TENT4B: variants seen among roughly 807,000 people sequenced by gnomAD.
The protein encoded by TENT4B is terminal nucleotidyltransferase 4B, also known as PAP associated domain containing 5.
A neutral mutation model predicts 75.0 loss-of-function variants in TENT4B; 10 were observed. That is an observed-to-expected ratio of 0.13 (90% CI 0.08 to 0.23). The LOEUF is 0.23. Ranked by LOEUF, TENT4B falls within the 10% of genes least tolerant of loss-of-function variation. The pLI, the probability that TENT4B is intolerant of heterozygous loss-of-function variation, is 1.00. For synonymous variants in TENT4B, 350 were observed against 357.7 expected (o/e 0.98, Z 0.24); for missense variants, 579 against 893.8 (o/e 0.65, Z 4.49).
intron 1 of TENT4B, among the ~76,000 whole-genome samples, chr16:50,196,480 T>TGTATCA (rs1179305704): frequency 5.1e-5 from 6 of 117,714 alleles, no homozygotes; most frequent in Non-Finnish European, 1.7e-5. Context: ...TAGCTTTTAG[T>TGTATCA]TTATCATTAT....
Position 50,153,924 on chromosome 16 carries a change from G to A in TENT4B, c.303G>A (p.Arg101=), listed in dbSNP as rs1368134766. 6.5e-7 allele frequency: 1 copy of A among 1,529,256 alleles called. No homozygotes were observed. Among genetic ancestry groups the A allele is most frequent in the South Asian group, 1.2e-5 (1 of 82,970 alleles). The allele number at this position is 1,529,256 out of a possible 1,614,324, so 94.7% of individuals were successfully genotyped here. A position where few individuals can be genotyped will look rare whatever the true frequency, so the allele number is the denominator to read the frequency against. The change falls in exon 1 of 12, where the codon CGG becomes CGA. Residue 101 remains arginine (R), a synonymous_variant. Transcript: ENST00000561678. ...LGSHALPAEQ[R]DFLPLETTNN... ...GCCACGCGCTGCCCGCGGAGCAGCGGGACTTCCTGCCCCTAGAGACGACCA... is the reference window on the plus strand; with the variant it reads ...GCCACGCGCTGCCCGCGGAGCAGCGAGACTTCCTGCCCCTAGAGACGACCA...
chr16:50,211,349 A>T lies in TENT4B; in HGVS notation c.665A>T (p.Tyr222Phe). 6.2e-7 allele frequency: 1 copy of T among 1,608,110 alleles called. No individual in the cohort carries two copies. The highest frequency in any genetic ancestry group is 8.5e-7 in the Non-Finnish European group (1 of 1,178,386). The change falls in exon 2 of 12, where the codon TAT becomes TTT. Residue 222 changes from tyrosine to phenylalanine, a missense_variant. Around this residue, in one of 7 missense-constraint regions of TENT4B, gnomAD observed 16 missense variants for 60.1 expected, o/e 0.27. Coordinates refer to ENST00000561678, the MANE Select transcript of TENT4B (RefSeq NM_001365324.3). ...VGLHEEISDF[Y>F]EYMSPRPEEE... ...CTGCATGAAGAAATCAGTGATTTTT[A>T]TGAATACATGTCTCCAAGACCTGAG... is the stretch of plus-strand genomic sequence containing the variant.
At chr16:50,186,459 TACCACA>T (rs1400666272) in intron 1 of TENT4B, among the ~76,000 whole-genome samples, 18 of 152,228 alleles carry the variant, frequency 1.2e-4, no homozygotes, top group African/African-American at 4.3e-4. Context: ...TGTTTATATA[TACCACA>T]TTTTGTTTTT....
chr16:50,214,376 C>T, intron 3 of TENT4B, 109 bp downstream of exon 3: 1 of 847,056 alleles, frequency 1.2e-6, no homozygotes, highest in Non-Finnish European at 1.8e-6. Flanking sequence ...CAAAATGGGG[C>T]TGGGCATGGT....
intron 1 of TENT4B, among the ~76,000 whole-genome samples, chr16:50,157,966 A>G (rs1293349744): frequency 6.6e-6 from 1 of 150,828 alleles, no homozygotes; most frequent in Non-Finnish European, 1.5e-5. Context: ...GGGTCTTGTC[A>G]TGTTGCCCAT....
intron 1 of TENT4B, among the ~76,000 whole-genome samples, chr16:50,206,786 G>C (rs763232989): frequency 3.9e-5 from 6 of 152,120 alleles, no homozygotes; most frequent in Non-Finnish European, 7.4e-5. Flanking sequence ...ATGCGAAATG[G>C]TTCTTCCTTT....
At chr16:50,197,828 G>A (rs1161158526) in intron 1 of TENT4B, among the ~76,000 whole-genome samples, 3 of 152,098 alleles carry the variant, frequency 2.0e-5, no homozygotes, top group South Asian at 2.1e-4. Flanking sequence ...GCCAAAACTC[G>A]GTGATTGGCA....
At chr16:50,225,971 C>T (rs1405972863) in intron 10 of TENT4B, among the ~76,000 whole-genome samples, 1 of 151,272 alleles carries the variant, frequency 6.6e-6, no homozygotes, top group Non-Finnish European at 1.5e-5. Flanking sequence ...CATGAGCCAC[C>T]ACACCTGGCC....
chr16:50,162,292 G>T (rs1363826790), intron 1 of TENT4B, among the ~76,000 whole-genome samples: 1 of 152,166 alleles, frequency 6.6e-6, no homozygotes, highest in African/African-American at 2.4e-5. Context: ...ATATTTTTAT[G>T]TGAATATAAA....
chr16:50,216,015 G>A, intron 3 of TENT4B, 60 bp from the exon 4 acceptor site: 1 of 1,602,608 alleles, frequency 6.2e-7, no homozygotes, highest in South Asian at 1.1e-5. Flanking sequence ...AAGCATGAGT[G>A]TCAGTTAAAA....
chr16:50,233,031 A>G lies in TENT4B; in HGVS notation c.*3703A>G, dbSNP rs1257920484. ...TCTATTCTTGTTCTCCTAGTTCATT[A>G]AACTTTCAGTTATTGGAAAGGCACA... On this transcript the variant is annotated 3_prime_UTR_variant, in exon 12 of 12. Coordinates refer to ENST00000561678, the MANE Select transcript of TENT4B (RefSeq NM_001365324.3). 2 of 984,798 alleles carry G rather than the reference A, an allele frequency of 2.0e-6. No individual in the cohort carries two copies. Among genetic ancestry groups the G allele is most frequent in the East Asian group, 1.1e-4 (1 of 8,830 alleles). 61.0% of individuals were successfully genotyped at this position (984,798 alleles called of 1,614,324 possible).
intron 1 of TENT4B, among the ~76,000 whole-genome samples, chr16:50,197,625 G>A (rs978824464): frequency 1.1e-4 from 16 of 152,264 alleles, no homozygotes; most frequent in African/African-American, 3.9e-4. Flanking sequence ...TGCAAATTGG[G>A]CAGCCTCCCG....
At position 50,233,955 on chromosome 16, in the gene TENT4B, A is replaced by AT; in HGVS notation, c.*4628dup. 2 of 985,446 alleles carry AT rather than the reference A, an allele frequency of 2.0e-6. No individual in the cohort carries two copies. Among genetic ancestry groups the AT allele is most frequent in the African/African-American group, 3.5e-5 (2 of 57,366 alleles). 61.0% of individuals were successfully genotyped at this position (985,446 alleles called of 1,614,324 possible). The stretch of plus-strand genomic sequence containing the variant: ...AGTGAACATTTTTATTAGTAGTTGC[A>AT]TATCATCTCTAGTTCCACATTTTAA... On this transcript the variant is annotated 3_prime_UTR_variant, in exon 12 of 12. Coordinates refer to ENST00000561678, the MANE Select transcript of TENT4B (RefSeq NM_001365324.3).
Position 50,229,637 on chromosome 16 carries a change from G to A in TENT4B, c.*309G>A, listed in dbSNP as rs2032211749. On this transcript the variant is annotated 3_prime_UTR_variant, in exon 12 of 12. Transcript: ENST00000561678. ...TGTAAAATAAATATATTTCTCATTGGCTTTATGCAGAGTTATAGGGAATAG... is the reference window on the plus strand; with the variant it reads ...TGTAAAATAAATATATTTCTCATTGACTTTATGCAGAGTTATAGGGAATAG... 7.5e-6 allele frequency: 8 copies of A among 1,062,960 alleles called. No homozygotes were observed. The highest frequency in any genetic ancestry group is 1.7e-5 in the African/African-American group (1 of 59,670). The allele number at this position is 1,062,960 out of a possible 1,614,324, so 65.8% of individuals were successfully genotyped here.
intron 1 of TENT4B, 64 bp downstream of exon 1, chr16:50,154,323 A>G (rs1399654704): frequency 3.6e-6 from 5 of 1,381,810 alleles, no homozygotes; most frequent in Middle Eastern, 2.6e-4. Context: ...GCACACGCCC[A>G]CAGAGGGGGG....
chr16:50,202,626 C>T (rs2030719420), intron 1 of TENT4B, among the ~76,000 whole-genome samples: 1 of 152,040 alleles, frequency 6.6e-6, no homozygotes, highest in African/African-American at 2.4e-5. Flanking sequence ...TTTAAGCTTC[C>T]TAACTTTGCC....
chr16:50,157,217 A>G (rs2037917868), intron 1 of TENT4B, among the ~76,000 whole-genome samples: 1 of 152,228 alleles, frequency 6.6e-6, no homozygotes, highest in African/African-American at 2.4e-5. Context: ...GACTAGAACC[A>G]TGGGACAGCT....
intron 1 of TENT4B, among the ~76,000 whole-genome samples, chr16:50,196,504 AT>A (rs2030261589): frequency 1.4e-5 from 2 of 146,074 alleles, no homozygotes; most frequent in Non-Finnish European, 2.9e-5. Flanking sequence ...CATCATCATC[AT>A]CATCATCATC....
chr16:50,232,705 A>C lies in TENT4B; in HGVS notation c.*3377A>C. ...TCTCCAGTGACTAGGAGGTGTAGTT[A>C]TTAAGGTTGATCTGTTAGAAATCAC... On this transcript the variant is annotated 3_prime_UTR_variant, in exon 12 of 12. Coordinates refer to ENST00000561678, the MANE Select transcript of TENT4B (RefSeq NM_001365324.3). The C allele has an allele frequency of 2.0e-6, 2 of 985,274 alleles. No homozygotes were observed. The highest frequency in any genetic ancestry group is 5.2e-4 in the Middle Eastern group (1 of 1,914). The allele number at this position is 985,274 out of a possible 1,614,324, so 61.0% of individuals were successfully genotyped here.
Sources: gnomAD v4.1 joint callset for allele counts (sites outside exome capture counted in the v4.1 genomes callset) on GRCh38, gnomAD v4.1.1 for gene constraint, gnomAD v4.1.1 regional missense constraint, MANE v1.5 for transcripts, NCBI Gene and HGNC (gene_info 2026-07-23, HGNC 2026-07-21) for gene names.